RBFOX1: variants seen among roughly 807,000 people sequenced by gnomAD.
The protein encoded by RBFOX1 is RNA binding fox-1 homolog 1.
RBFOX1 carries 8 observed loss-of-function variants against 57.7 expected under a neutral mutation model. The observed-to-expected ratio is 0.14, with a 90% CI of 0.08 to 0.25. RBFOX1 has a LOEUF of 0.25. Ranked by LOEUF, RBFOX1 falls within the 10% of genes least tolerant of loss-of-function variation. RBFOX1 has a pLI of 1.00. For synonymous variants in RBFOX1, 326 were observed against 222.4 expected (o/e 1.47, Z -4.15); for missense variants, 611 against 548.5 (o/e 1.11, Z -1.14).
At chr16:7,337,935 G>T (rs1568283621) in intron 4 of RBFOX1, among the ~76,000 whole-genome samples, 2 of 152,154 alleles carry the variant, frequency 1.3e-5, no homozygotes, top group African/African-American at 2.4e-5. Context: ...TGCCCGCCTT[G>T]GCCTCCCAGA....
chr16:7,541,130 G>T (rs1034037939), intron 5 of RBFOX1, among the ~76,000 whole-genome samples: 1 of 152,212 alleles, frequency 6.6e-6, no homozygotes, highest in African/African-American at 2.4e-5. Context: ...CCTGACTGCT[G>T]TATGTACCTT....
intron 2 of RBFOX1, among the ~76,000 whole-genome samples, chr16:6,353,248 C>G (rs1028034004): frequency 6.6e-6 from 1 of 152,094 alleles, no homozygotes; most frequent in African/African-American, 2.4e-5. Flanking sequence ...CGTCCTCCAT[C>G]TGAAATGCAC....
intron 14 of RBFOX1, among the ~76,000 whole-genome samples, chr16:7,677,177 G>A (rs1298934782): frequency 3.9e-5 from 3 of 77,684 alleles, no homozygotes; most frequent in South Asian, 6.5e-4. Context: ...ACCTTCTTAT[G>A]GTCTTCCACA....
At chr16:5,780,385 A>G (rs1056293753) in intron 3 of RBFOX1, among the ~76,000 whole-genome samples, 3 of 152,188 alleles carry the variant, frequency 2.0e-5, no homozygotes, top group African/African-American at 7.2e-5. Flanking sequence ...CAATGAGATA[A>G]ATTTTATTCA....
At chr16:5,921,003 T>A (rs113583525) in intron 4 of RBFOX1, among the ~76,000 whole-genome samples, 1 of 152,306 alleles carries the variant, frequency 6.6e-6, no homozygotes, top group Non-Finnish European at 1.5e-5. Context: ...GGAGACTCCA[T>A]GGATAATGGG....
intron 4 of RBFOX1, among the ~76,000 whole-genome samples, chr16:7,256,401 G>A (rs2153045472): frequency 6.6e-6 from 1 of 152,272 alleles, no homozygotes; most frequent in South Asian, 2.1e-4. Flanking sequence ...GAAAGACAAA[G>A]GCGGCTGTCA....
intron 1 of RBFOX1, among the ~76,000 whole-genome samples, chr16:5,263,817 G>T (rs539671511): frequency 3.5e-4 from 53 of 152,288 alleles, no homozygotes; most frequent in African/African-American, 1.1e-3. Flanking sequence ...AAAGTCAATT[G>T]TTACAGCAAA....
intron 4 of RBFOX1, among the ~76,000 whole-genome samples, chr16:5,990,926 C>G (rs1188462886): frequency 6.6e-6 from 1 of 152,104 alleles, no homozygotes; most frequent in Non-Finnish European, 1.5e-5. Context: ...GTGAGATGAG[C>G]ACACACCACT....
intron 1 of RBFOX1, among the ~76,000 whole-genome samples, chr16:5,417,469 G>A (rs1401283471): frequency 6.6e-6 from 1 of 152,288 alleles, no homozygotes; most frequent in African/African-American, 2.4e-5. Context: ...AGAGCACAGT[G>A]AGAATTAAAG....
At chr16:6,549,723 C>T (rs2096957233) in intron 2 of RBFOX1, among the ~76,000 whole-genome samples, 1 of 152,104 alleles carries the variant, frequency 6.6e-6, no homozygotes, top group African/African-American at 2.4e-5. Flanking sequence ...AGCCTCATGA[C>T]CTACAGAGTA....
At chr16:7,322,688 A>T (rs573721937) in intron 4 of RBFOX1, among the ~76,000 whole-genome samples, 1 of 152,280 alleles carries the variant, frequency 6.6e-6, no homozygotes, top group South Asian at 2.1e-4. Context: ...CCTCAAAAAT[A>T]AGATTGAGGA....
At chr16:6,072,085 C>T (rs1597003144) in intron 1 of RBFOX1, among the ~76,000 whole-genome samples, 1 of 152,168 alleles carries the variant, frequency 6.6e-6, no homozygotes, top group East Asian at 1.9e-4. Flanking sequence ...GGAGACCTCA[C>T]AATCATGGCT....
At chr16:5,923,762 A>G (rs1035253448) in intron 4 of RBFOX1, among the ~76,000 whole-genome samples, 14 of 151,884 alleles carry the variant, frequency 9.2e-5, no homozygotes, top group African/African-American at 3.1e-4. Context: ...ACTGGTCTCA[A>G]ACTCCTGACC....
At chr16:7,698,194 G>GC in intron 14 of RBFOX1, among the ~76,000 whole-genome samples, 1 of 93,674 alleles carries the variant, frequency 1.1e-5, no homozygotes, top group South Asian at 4.7e-4. Flanking sequence ...GTGTGTGTGT[G>GC]TGTGTGTGTG....
At chr16:6,947,699 A>G (rs756976592) in intron 3 of RBFOX1, among the ~76,000 whole-genome samples, 1 of 152,206 alleles carries the variant, frequency 6.6e-6, no homozygotes, top group African/African-American at 2.4e-5. Context: ...TCTGAGCCTC[A>G]GTTTGCTGAA....
At chr16:7,386,790 G>A (rs182455460) in intron 4 of RBFOX1, among the ~76,000 whole-genome samples, 12 of 152,178 alleles carry the variant, frequency 7.9e-5, no homozygotes, top group African/African-American at 2.9e-4. Flanking sequence ...CTATATCCTT[G>A]AGGAATCGCC....
intron 4 of RBFOX1, among the ~76,000 whole-genome samples, chr16:7,219,878 T>C (rs1424272397): frequency 6.6e-6 from 1 of 152,238 alleles, no homozygotes; most frequent in Non-Finnish European, 1.5e-5. Flanking sequence ...AAAGAAGTTT[T>C]CTAACCAAAG....
chr16:5,693,806 T>G (rs1555502987), intron 3 of RBFOX1, among the ~76,000 whole-genome samples: 1 of 152,174 alleles, frequency 6.6e-6, no homozygotes, highest in Non-Finnish European at 1.5e-5. Context: ...GTAGGCAACT[T>G]CTCACTCCTC....
chr16:7,620,096 G>T (rs906746854), intron 10 of RBFOX1, among the ~76,000 whole-genome samples: 2 of 152,174 alleles, frequency 1.3e-5, no homozygotes, highest in African/African-American at 4.8e-5. Flanking sequence ...TAGTTCAATA[G>T]CTATAAATTT....
Sources: gnomAD v4.1 joint callset for allele counts (sites outside exome capture counted in the v4.1 genomes callset) on GRCh38, gnomAD v4.1.1 for gene constraint, MANE v1.5 for transcripts, NCBI Gene and HGNC (gene_info 2026-07-23, HGNC 2026-07-21) for gene names.